SCN9A: variants seen among roughly 807,000 people sequenced by gnomAD.
SCN9A encodes sodium channel protein type 9 subunit alpha.
A neutral mutation model predicts 187.0 loss-of-function variants in SCN9A; 131 were observed. The ratio of observed to expected loss-of-function variants is 0.70; its 90% confidence interval spans 0.61 to 0.81. The LOEUF is 0.81. Among genes scored for constraint, SCN9A ranks in the 30% least tolerant of loss-of-function variants. The pLI, the probability that SCN9A is intolerant of heterozygous loss-of-function variation, is 0.00. For synonymous variants in SCN9A, 809 were observed against 808.6 expected (o/e 1.00, Z -0.01); for missense variants, 2,252 against 2,396.6 (o/e 0.94, Z 1.26).
At chr2:166,303,964 A>G (rs1025714282) in intron 6 of SCN9A, 52 of 1,440,728 alleles carry the variant, frequency 3.6e-5, no homozygotes, top group Middle Eastern at 1.7e-4. Context: ...TTGCATAAAG[A>G]AAGGTTTTTT....
chr2:166,289,963 C>T (rs13007151), intron 9 of SCN9A, among the ~76,000 whole-genome samples: 84,897 of 151,956 alleles, frequency 0.56, 25,028 homozygotes, highest in African/African-American at 0.76. Context: ...GTTGGTTACA[C>T]AGGTATACAT....
At chr2:166,200,007 T>C in intron 26 of SCN9A, 143 bp from the exon 27 acceptor site, 1 of 472,398 alleles carries the variant, frequency 2.1e-6, no homozygotes, top group African/African-American at 3.4e-5. Context: ...TTTTTTTTTT[T>C]TTTTTTTTGA....
At chr2:166,340,156 A>G (rs1453386954) in intron 1 of SCN9A, among the ~76,000 whole-genome samples, 2 of 152,210 alleles carry the variant, frequency 1.3e-5, no homozygotes, top group East Asian at 3.8e-4. Flanking sequence ...AAAGCCTCAA[A>G]TAACACATCT....
chr2:166,278,284 C>A lies in SCN9A; in HGVS notation c.2373G>T (p.Met791Ile). 3 of 1,606,886 alleles carry A rather than the reference C, an allele frequency of 1.9e-6. No individual in the cohort carries two copies. The highest frequency in any genetic ancestry group is 1.7e-6 in the Non-Finnish European group (2 of 1,177,374). ...GATCCATGGCAATCAGTTTTAATAC[C>A]ATTTCAGCTGCAAAGATTCCAGTAA... ...LVFTGIFAAE[M>I]VLKLIAMDPY... Residue 791 changes from methionine (M) to isoleucine (I), a missense_variant, in exon 15 of 27, where the codon ATG (methionine) becomes ATT (isoleucine). By Grantham distance (10) the Met-to-Ile change is conservative. Coordinates refer to ENST00000642356, the MANE Select transcript of SCN9A (RefSeq NM_001365536.1).
intron 6 of SCN9A, 53 bp downstream of exon 6, chr2:166,304,185 C>A: frequency 6.2e-7 from 1 of 1,610,228 alleles, no homozygotes; most frequent in Middle Eastern, 1.7e-4. Flanking sequence ...AGAACAACTC[C>A]CAAATAGTTG....
chr2:166,300,351 A>G (rs759297025), intron 7 of SCN9A, among the ~76,000 whole-genome samples: 1 of 150,340 alleles, frequency 6.7e-6, no homozygotes, highest in Admixed American at 6.6e-5. Flanking sequence ...TTGAAGCAGC[A>G]CCCCCCACAC....
At position 166,265,826 on chromosome 2, in the gene SCN9A, A is replaced by T. The variant is rs1232127749; in HGVS notation, c.3351+6573T>A. 2.0e-5 allele frequency among the ~76,000 whole-genome samples: 3 copies of T among 151,970 alleles called. No homozygotes were observed. The East Asian group carries it at 5.8e-4, about 29-fold the overall frequency. ...TCCCTGGTGATTAGTGATGTTGAGC[A>T]TATTTTCATTTATCTGTTGGCATTT... On this transcript the variant is annotated intron_variant, in intron 17 of 26. Transcript: ENST00000642356.
At chr2:166,365,428 A>G (rs960573678) in intron 1 of SCN9A, among the ~76,000 whole-genome samples, 1 of 152,140 alleles carries the variant, frequency 6.6e-6, no homozygotes. Flanking sequence ...AAAAGAGCAC[A>G]CTCATCCCTT....
At chr2:166,336,725 A>G (rs1292032579) in intron 1 of SCN9A, among the ~76,000 whole-genome samples, 1 of 152,044 alleles carries the variant, frequency 6.6e-6, no homozygotes, top group Non-Finnish European at 1.5e-5. Context: ...GGCTTCCAAT[A>G]TATCCACCAA....
At chr2:166,218,185 T>A (rs1694419123) in intron 24 of SCN9A, among the ~76,000 whole-genome samples, 1 of 144,096 alleles carries the variant, frequency 6.9e-6, no homozygotes, top group Non-Finnish European at 1.5e-5. Flanking sequence ...TGAATGAAAC[T>A]AAAGGACGTT....
chr2:166,213,850 T>G (rs563801589), intron 24 of SCN9A, among the ~76,000 whole-genome samples: 1 of 152,080 alleles, frequency 6.6e-6, no homozygotes, highest in South Asian at 2.1e-4. Flanking sequence ...GTAGAAAAAC[T>G]CATGCACACC....
intron 1 of SCN9A, among the ~76,000 whole-genome samples, chr2:166,332,326 A>G (rs1328616490): frequency 6.6e-6 from 1 of 152,166 alleles, no homozygotes. Context: ...CAATGAATGC[A>G]TGAGTACCCA....
chr2:166,261,571 G>A (rs982289019), intron 17 of SCN9A, among the ~76,000 whole-genome samples: 3 of 151,888 alleles, frequency 2.0e-5, no homozygotes, highest in South Asian at 2.1e-4. Flanking sequence ...GGACATGGAG[G>A]CCACGTGGAC....
intron 24 of SCN9A, among the ~76,000 whole-genome samples, chr2:166,214,354 C>G (rs966424388): frequency 2.6e-5 from 4 of 152,080 alleles, no homozygotes; most frequent in Admixed American, 6.5e-5. Context: ...GTTTTCCAGC[C>G]GCTCCCTGTG....
At chr2:166,301,947 T>G (rs1698572833) in intron 7 of SCN9A, 1 of 151,054 alleles carries the variant, frequency 6.6e-6, no homozygotes, top group Non-Finnish European at 1.5e-5. Context: ...GGCTTCTATT[T>G]TTTTCTGTCA....
intron 24 of SCN9A, chr2:166,205,359 A>T (rs1693748085): frequency 1.3e-5 from 2 of 152,286 alleles, no homozygotes; most frequent in Non-Finnish European, 2.9e-5. Flanking sequence ...ATAACACTAC[A>T]CATCTACAAC....
At chr2:166,238,809 C>T (rs1695433537) in intron 19 of SCN9A, among the ~76,000 whole-genome samples, 1 of 151,056 alleles carries the variant, frequency 6.6e-6, no homozygotes, top group South Asian at 2.1e-4. Flanking sequence ...CTATAGAACA[C>T]AGAGGGTGCT....
At chr2:166,327,497 T>G (rs537295453) in intron 1 of SCN9A, among the ~76,000 whole-genome samples, 1 of 152,282 alleles carries the variant, frequency 6.6e-6, no homozygotes, top group South Asian at 2.1e-4. Context: ...TCTTGTTTTA[T>G]CTTACTCTTC....
intron 26 of SCN9A, among the ~76,000 whole-genome samples, chr2:166,201,048 C>T (rs1693486236): frequency 6.6e-6 from 1 of 151,956 alleles, no homozygotes; most frequent in African/African-American, 2.4e-5. Flanking sequence ...AAATTGAAGA[C>T]TAGCATTTAT....
Sources: allele counts gnomAD v4.1 joint callset (sites outside exome capture counted in the v4.1 genomes callset), GRCh38; gene constraint gnomAD v4.1.1; transcripts MANE v1.5; gene names NCBI Gene and HGNC (gene_info 2026-07-23, HGNC 2026-07-21).